Variants in ATP7A observed in about 807,000 individuals in gnomAD.
ATP7A encodes ATPase copper transporting alpha.
ATP7A carries 7 observed loss-of-function variants against 83.5 expected under a neutral mutation model. That is an observed-to-expected ratio of 0.08 (90% CI 0.05 to 0.16). The LOEUF (loss-of-function observed/expected upper bound fraction) is 0.16. Ranked by LOEUF, ATP7A falls within the 10% of genes least tolerant of loss-of-function variation. The pLI, the probability that ATP7A is intolerant of heterozygous loss-of-function variation, is 1.00. For synonymous variants in ATP7A, 354 were observed against 395.2 expected (o/e 0.90, Z 1.24); for missense variants, 940 against 1,120.8 (o/e 0.84, Z 2.30).
Position 77,969,564 on chromosome X carries a change from C to G in ATP7A, c.-21-2057C>G, listed in dbSNP as rs138178131. ...CCGCCGGGCTCAGATCGGCGTCGTA[C>G]CAGCAGCTGAAGCGGTTCTCCAGGT... On this transcript the variant is annotated intron_variant, in intron 1 of 22. Transcript: ENST00000341514. The G allele has an allele frequency of 1.1e-3, 1,274 of 1,210,526 alleles. 19 individuals carry two copies. In the East Asian group the frequency reaches 0.034, roughly 33 times the overall value.
chrX:77,980,910 C>T (rs999831761), intron 2 of ATP7A, among the ~76,000 whole-genome samples: 3 of 111,768 alleles, frequency 2.7e-5, no homozygotes, highest in Admixed American at 9.5e-5. Context: ...TCAGGTGATC[C>T]GCCTGCCTCG....
chrX:77,949,588 A>G (rs2077402441), intron 1 of ATP7A, among the ~76,000 whole-genome samples: 1 of 112,106 alleles, frequency 8.9e-6, no homozygotes, highest in African/African-American at 3.2e-5. Context: ...GAGGGCAAAC[A>G]CAGCTGAATT....
Position 78,025,952 on chromosome X carries a change from A to C in ATP7A, c.2917-3298A>C, listed in dbSNP as rs983801719. On this transcript the variant is annotated intron_variant, in intron 14 of 22. Transcript: ENST00000341514. ...ATGTTCAGAGAAGTTCTGAACATGG[A>C]AACAAAAGAATGATACTTGCTACCA... 3.6e-5 allele frequency among the ~76,000 whole-genome samples: 4 copies of C among 111,742 alleles called. No individual in the cohort carries two copies. The Admixed American group carries it at 3.8e-4, about 11-fold the overall frequency.
chrX:77,969,396 C>T (rs1199637419), intron 1 of ATP7A: 1 of 1,208,429 alleles, frequency 8.3e-7, no homozygotes, highest in African/African-American at 1.7e-5. Flanking sequence ...AAGTCCTCAC[C>T]ACTGGCAGCC....
At chrX:78,007,164 T>G (rs1353805178) in intron 6 of ATP7A, among the ~76,000 whole-genome samples, 8 of 112,001 alleles carry the variant, frequency 7.1e-5, no homozygotes, top group African/African-American at 2.6e-4. Flanking sequence ...CATATGCATG[T>G]CAACACTTGC....
chrX:77,980,861 T>G (rs1312045630), intron 2 of ATP7A, among the ~76,000 whole-genome samples: 2 of 110,994 alleles, frequency 1.8e-5, no homozygotes, highest in African/African-American at 6.5e-5. Flanking sequence ...TAGAGACGAG[T>G]TTTGCCATGT....
Position 78,046,775 on chromosome X carries a change from A to G in ATP7A, c.*205A>G. 2.0e-6 allele frequency: 1 copy of G among 502,443 alleles called. No individual in the cohort carries two copies. 41.4% of individuals were successfully genotyped at this position (502,443 alleles called of 1,213,427 possible). A position where few individuals can be genotyped will look rare whatever the true frequency, so the allele number is the denominator to read the frequency against. ...CTAGCTTTATTTAAACTGAATTTCCAGTATATTTTTGTTTTCACTAACAAC... is the reference window on the plus strand; with the variant it reads ...CTAGCTTTATTTAAACTGAATTTCCGGTATATTTTTGTTTTCACTAACAAC... On this transcript the variant is annotated 3_prime_UTR_variant, in exon 23 of 23. Transcript: ENST00000341514.
At chrX:78,016,471 C>T (rs1193399051) in intron 12 of ATP7A, among the ~76,000 whole-genome samples, 1 of 111,049 alleles carries the variant, frequency 9.0e-6, no homozygotes, top group Non-Finnish European at 1.9e-5. Flanking sequence ...CATGCCTTCC[C>T]AACAGTCCCC....
chrX:77,918,327 C>G (rs782163318), intron 1 of ATP7A, among the ~76,000 whole-genome samples: 20 of 110,697 alleles, frequency 1.8e-4, no homozygotes, highest in Non-Finnish European at 3.4e-4. Flanking sequence ...CTGCCTCAGC[C>G]TCCCCAAAGT....
intron 18 of ATP7A, among the ~76,000 whole-genome samples, chrX:78,039,716 C>A (rs782188480): frequency 1.8e-5 from 2 of 112,289 alleles, no homozygotes; most frequent in Admixed American, 1.9e-4. Flanking sequence ...AGTATTAGTA[C>A]ATATACCATT....
chrX:78,018,987 A>G (rs1303847859), intron 12 of ATP7A, among the ~76,000 whole-genome samples: 1 of 110,788 alleles, frequency 9.0e-6, no homozygotes, highest in African/African-American at 3.3e-5. Flanking sequence ...TGACTCAATC[A>G]CCTCCCTCCC....
intron 2 of ATP7A, among the ~76,000 whole-genome samples, chrX:77,976,492 AATTGGCTAATTAGCCCATC>A (rs1440509427): frequency 8.9e-6 from 1 of 111,773 alleles, no homozygotes; most frequent in Non-Finnish European, 1.9e-5. Context: ...TATTACCCAA[AATTGGCTAATTAGCCCATC>A]ATTACTCTCT....
At position 78,031,412 on chromosome X, in the gene ATP7A, G is replaced by A; in HGVS notation, c.3124G>A (p.Val1042Ile). 8.3e-7 allele frequency: 1 copy of A among 1,210,114 alleles called. No homozygotes were observed. The highest frequency in any genetic ancestry group is 1.8e-5 in the South Asian group (1 of 56,957). The part of the protein sequence containing the change: ...LEMAHKVKVV[V>I]FDKTGTITHG... The stretch of plus-strand genomic sequence containing the variant: ...AATTTTTTTACAGGTAAAGGTAGTG[G>A]TATTTGATAAGACTGGAACCATTAC... Residue 1042 changes from valine to isoleucine, a missense_variant, in exon 16 of 23, where the codon GTA (valine) becomes ATA (isoleucine). Around this residue, in one of 3 missense-constraint regions of ATP7A, gnomAD observed 386 missense variants for 502.2 expected, o/e 0.77. Transcript: ENST00000341514.
intron 1 of ATP7A, among the ~76,000 whole-genome samples, chrX:77,918,377 T>C (rs2077195127): frequency 9.0e-6 from 1 of 111,221 alleles, no homozygotes; most frequent in Non-Finnish European, 1.9e-5. Flanking sequence ...GCATAGCTGC[T>C]TATTCAGGTG....
At chrX:78,024,033 C>T (rs892082559) in intron 14 of ATP7A, among the ~76,000 whole-genome samples, 5 of 111,303 alleles carry the variant, frequency 4.5e-5, no homozygotes, top group Non-Finnish European at 7.5e-5. Flanking sequence ...GTTTTCCCAG[C>T]ACCATATATT....
chrX:77,931,591 C>T (rs1232982520), intron 1 of ATP7A, among the ~76,000 whole-genome samples: 16 of 105,406 alleles, frequency 1.5e-4, no homozygotes, highest in Admixed American at 1.5e-3. Flanking sequence ...TAGGGGCGGC[C>T]GGGCAGAGGC....
chrX:78,041,378 C>A (rs1293437071), intron 19 of ATP7A, among the ~76,000 whole-genome samples: 1 of 109,657 alleles, frequency 9.1e-6, no homozygotes, highest in Non-Finnish European at 1.9e-5. Context: ...TGGGTTCAAG[C>A]GATTCTCTTG....
intron 1 of ATP7A, among the ~76,000 whole-genome samples, chrX:77,932,125 G>T (rs1187436416): frequency 9.2e-6 from 1 of 108,488 alleles, no homozygotes; most frequent in Non-Finnish European, 1.9e-5. Flanking sequence ...GCTGCTGGGC[G>T]GAGGGGCTCC....
At chrX:78,009,668 C>G (rs1444342860) in intron 7 of ATP7A, among the ~76,000 whole-genome samples, 1 of 112,145 alleles carries the variant, frequency 8.9e-6, no homozygotes, top group Non-Finnish European at 1.9e-5. Context: ...ATTTAAAAGA[C>G]TAAACCCAGC....
Sources: allele counts gnomAD v4.1 joint callset (sites outside exome capture counted in the v4.1 genomes callset), GRCh38; gene constraint gnomAD v4.1.1; regional missense constraint gnomAD v4.1.1; transcripts MANE v1.5; gene names NCBI Gene and HGNC (gene_info 2026-07-23, HGNC 2026-07-21).